Variants in PAK5 observed in about 807,000 individuals in gnomAD.
PAK5 encodes the protein serine/threonine-protein kinase PAK 5.
In PAK5, 16 loss-of-function variants were observed where a neutral mutation model predicts 65.9. That is an observed-to-expected ratio of 0.24 (90% confidence interval 0.16 to 0.37). The LOEUF (loss-of-function observed/expected upper bound fraction) is 0.37, where lower values mean the gene tolerates loss of function less well. PAK5 is among the 10% of genes least tolerant of loss of function. The pLI is 1.00. For missense variants in PAK5, 785 were observed against 903.9 expected, an observed-to-expected ratio of 0.87 and a Z score of 1.69; for synonymous variants, 371 against 354.9, an observed-to-expected ratio of 1.05 and a Z score of -0.51.
intron 2 of PAK5, among the ~76,000 whole-genome samples, chr20:9,649,673 G>C (rs2047178565): frequency 1.3e-5 from 2 of 152,246 alleles, no homozygotes; most frequent in East Asian, 3.9e-4. Context: ...GGGAGTCAAA[G>C]AAGAAATAAC....
chr20:9,765,141 G>A (rs1309884259), intron 1 of PAK5, among the ~76,000 whole-genome samples: 1 of 152,146 alleles, frequency 6.6e-6, no homozygotes, highest in Non-Finnish European at 1.5e-5. Flanking sequence ...CTAAATCATT[G>A]CATGAAGAAT....
At chr20:9,795,908 C>CT (rs1197462280) in intron 1 of PAK5, among the ~76,000 whole-genome samples, 2 of 152,040 alleles carry the variant, frequency 1.3e-5, no homozygotes, top group Admixed American at 6.6e-5. Context: ...TAGCAATTTG[C>CT]TTTTTTCCAC....
intron 1 of PAK5, among the ~76,000 whole-genome samples, chr20:9,734,703 A>T (rs1282697191): frequency 2.0e-5 from 3 of 152,154 alleles, no homozygotes; most frequent in African/African-American, 4.8e-5. Context: ...ACCAACACTG[A>T]TCTAAAAGTT....
intron 1 of PAK5, among the ~76,000 whole-genome samples, chr20:9,790,251 C>T (rs951494646): frequency 6.6e-6 from 1 of 152,094 alleles, no homozygotes; most frequent in Non-Finnish European, 1.5e-5. Flanking sequence ...GTGCTGAAGA[C>T]ACACTATGCC....
At chr20:9,832,015 T>C (rs1978758320) in intron 1 of PAK5, among the ~76,000 whole-genome samples, 1 of 152,112 alleles carries the variant, frequency 6.6e-6, no homozygotes, top group African/African-American at 2.4e-5. Flanking sequence ...GTGAAGTTTG[T>C]TTCACGTCAT....
At chr20:9,540,528 C>T (rs1189803655) in intron 9 of PAK5, among the ~76,000 whole-genome samples, 1 of 152,172 alleles carries the variant, frequency 6.6e-6, no homozygotes. Context: ...AGATTCATCT[C>T]CGACGTGTGG....
chr20:9,765,683 C>T (rs968615119), intron 1 of PAK5, among the ~76,000 whole-genome samples: 4 of 152,110 alleles, frequency 2.6e-5, no homozygotes, highest in African/African-American at 7.2e-5. Context: ...CCCTGCCCAA[C>T]CCTCCTGCTA....
chr20:9,829,363 T>C (rs1978532003), intron 1 of PAK5, among the ~76,000 whole-genome samples: 1 of 152,178 alleles, frequency 6.6e-6, no homozygotes, highest in Non-Finnish European at 1.5e-5. Flanking sequence ...TTCTTATCCA[T>C]TGAATTGTTG....
At chr20:9,669,914 C>T (rs1001171625) in intron 2 of PAK5, among the ~76,000 whole-genome samples, 33 of 149,004 alleles carry the variant, frequency 2.2e-4, no homozygotes, top group African/African-American at 8.5e-4. Flanking sequence ...TAATGCTATC[C>T]CTTCTGCCTC....
chr20:9,761,466 T>C (rs2048698993), intron 1 of PAK5, among the ~76,000 whole-genome samples: 2 of 152,198 alleles, frequency 1.3e-5, no homozygotes, highest in South Asian at 4.1e-4. Context: ...CCCTGCACAA[T>C]CTATAGATTC....
At chr20:9,761,448 T>C (rs4816172) in intron 1 of PAK5, among the ~76,000 whole-genome samples, 24,955 of 152,212 alleles carry the variant, frequency 0.16, 2,392 homozygotes, top group Middle Eastern at 0.22. Context: ...GGTAAAATGT[T>C]CATTCTACCC....
chr20:9,752,608 T>C (rs1240523176), intron 1 of PAK5, among the ~76,000 whole-genome samples: 1 of 152,144 alleles, frequency 6.6e-6, no homozygotes, highest in African/African-American at 2.4e-5. Flanking sequence ...CATCAAAATA[T>C]CACACATAGC....
chr20:9,790,413 CCA>C (rs2049038216), intron 1 of PAK5, among the ~76,000 whole-genome samples: 1 of 151,788 alleles, frequency 6.6e-6, no homozygotes, highest in Admixed American at 6.6e-5. Flanking sequence ...ATTCCAAGGC[CCA>C]GGGGAATGCG....
intron 1 of PAK5, among the ~76,000 whole-genome samples, chr20:9,728,005 C>T (rs974619133): frequency 1.3e-5 from 2 of 151,902 alleles, no homozygotes; most frequent in Non-Finnish European, 2.9e-5. Context: ...GTGCTAGGTG[C>T]TATAGTTTGA....
In PAK5 at chr20:9,566,372, G is replaced by T. The variant is rs1231247715; in HGVS notation, c.1003C>A (p.Arg335=). Residue 335 remains arginine (R), a synonymous_variant, in exon 5 of 10, where the codon CGA becomes AGA. Transcript: ENST00000353224. Reference sequence around the variant, plus strand: ...GGAGGGCTGAGGACCATCTGTGCTCGATCGTAATCCACCTGGGAAGACAGA... The same window carrying T: ...GGAGGGCTGAGGACCATCTGTGCTCTATCGTAATCCACCTGGGAAGACAGA... The part of the protein sequence containing the change: ...TMCIPKVDYD[R]AQMVLSPPLS... The T allele has an allele frequency of 1.4e-5, 22 of 1,612,674 alleles. No homozygotes were observed. In the East Asian group the frequency reaches 4.7e-4, roughly 34 times the overall value.
At chr20:9,556,945 A>G (rs1339424826) in intron 7 of PAK5, among the ~76,000 whole-genome samples, 1 of 152,154 alleles carries the variant, frequency 6.6e-6, no homozygotes, top group Non-Finnish European at 1.5e-5. Context: ...TTATTCTCTC[A>G]GCTCTCATCC....
chr20:9,552,098 C>G (rs1471770079), intron 7 of PAK5, among the ~76,000 whole-genome samples: 1 of 152,066 alleles, frequency 6.6e-6, no homozygotes, highest in African/African-American at 2.4e-5. Flanking sequence ...GTTGCCAGAC[C>G]CTTTGATTTT....
intron 2 of PAK5, among the ~76,000 whole-genome samples, chr20:9,648,077 T>C (rs973919355): frequency 6.6e-6 from 1 of 152,188 alleles, no homozygotes; most frequent in Non-Finnish European, 1.5e-5. Context: ...TCATCCCACA[T>C]TCATGGTAGC....
intron 3 of PAK5, among the ~76,000 whole-genome samples, chr20:9,587,857 T>C (rs2046097133): frequency 2.0e-5 from 3 of 152,178 alleles, no homozygotes; most frequent in African/African-American, 7.2e-5. Context: ...GAGTCAGCAT[T>C]ATATGTATAT....
Sources: gnomAD v4.1 joint callset for allele counts (sites outside exome capture counted in the v4.1 genomes callset) on GRCh38, gnomAD v4.1.1 for gene constraint, MANE v1.5 for transcripts, NCBI Gene and HGNC (gene_info 2026-07-23, HGNC 2026-07-21) for gene names.